GPHN: variants seen among roughly 807,000 people sequenced by gnomAD.
GPHN encodes the protein gephyrin.
A neutral mutation model predicts 95.5 loss-of-function variants in GPHN; 17 were observed. The observed-to-expected ratio is 0.18, with a 90% CI of 0.12 to 0.27. The LOEUF is 0.27. Ranked by LOEUF, GPHN falls within the 10% of genes least tolerant of loss-of-function variation. GPHN has a pLI of 1.00. For synonymous variants in GPHN, 320 were observed against 322.5 expected, an observed-to-expected ratio of 0.99 and a Z score of 0.08; for missense variants, 660 against 978.1, an observed-to-expected ratio of 0.67 and a Z score of 4.34.
the GPHN span, among the ~76,000 whole-genome samples, chr14:67,460,252 G>A: frequency 6.6e-6 from 1 of 152,106 alleles, no homozygotes; most frequent in Non-Finnish European, 1.5e-5. Context: ...AGGAGTCCCT[G>A]GGCCAGATCA....
At chr14:67,240,904 T>TA in the GPHN span, among the ~76,000 whole-genome samples, 9 of 152,172 alleles carry the variant, frequency 5.9e-5, no homozygotes, top group Non-Finnish European at 8.8e-5. Flanking sequence ...TGTCATTTTT[T>TA]AAAAAAAACA....
In GPHN at chr14:67,101,191, GA is replaced by G. The variant is rs113722780; in HGVS notation, c.1293+290del. Among the ~76,000 whole-genome samples the G allele has an allele frequency of 1.2e-3, 178 of 147,720 alleles. 2 individuals are homozygous for G. Among genetic ancestry groups the G allele is most frequent in the South Asian group, 0.011 (53 of 4,682 alleles). ...GTGATTGGGTGATTCTTTTTTTCCT[GA>G]AAAAAAAAATGTTCTGAATAGAACA... is the stretch of plus-strand genomic sequence containing the variant. On this transcript the variant is annotated intron_variant, in intron 13 of 22. Coordinates refer to ENST00000478722, the MANE Select transcript of GPHN (RefSeq NM_020806.5).
chr14:66,683,066 T>C (rs2067038818), intron 2 of GPHN, among the ~76,000 whole-genome samples: 1 of 151,704 alleles, frequency 6.6e-6, no homozygotes, highest in South Asian at 2.1e-4. Context: ...ATTCTCAGTG[T>C]ACCTGTCTTA....
intron 9 of GPHN, among the ~76,000 whole-genome samples, chr14:66,989,168 G>C (rs769169085): frequency 1.3e-5 from 2 of 151,514 alleles, no homozygotes; most frequent in Non-Finnish European, 1.5e-5. Context: ...GCTACTCTTT[G>C]TTTTCTGCAC....
At position 66,849,782 on chromosome 14, in the gene GPHN, G is replaced by T. The variant is rs184626505; in HGVS notation, c.294+25216G>T. Among the ~76,000 whole-genome samples, 996 of 152,168 alleles carry T rather than the reference G, an allele frequency of 6.5e-3. 14 individuals carry two copies. The highest frequency in any genetic ancestry group is 0.023 in the African/African-American group (949 of 41,550). Reference sequence around the variant, plus strand: ...AAATACTGATTGTAACCACAAAGAGGAGTGTAAAGAATTGGTTGTCAAGAA... The same window carrying T: ...AAATACTGATTGTAACCACAAAGAGTAGTGTAAAGAATTGGTTGTCAAGAA... On this transcript the variant is annotated intron_variant, in intron 4 of 22. Coordinates refer to ENST00000478722, the MANE Select transcript of GPHN (RefSeq NM_020806.5).
intron 9 of GPHN, among the ~76,000 whole-genome samples, chr14:67,008,124 C>T (rs1387457703): frequency 6.6e-6 from 1 of 152,118 alleles, no homozygotes; most frequent in South Asian, 2.1e-4. Context: ...TCCTTTTAAA[C>T]ATCCCACCTG....
the GPHN span, among the ~76,000 whole-genome samples, chr14:67,311,829 G>T: frequency 1.6e-4 from 24 of 152,262 alleles, no homozygotes; most frequent in Admixed American, 5.9e-4. Flanking sequence ...ATACAAATAA[G>T]AATTGATTAT....
chr14:67,631,896 A>G, the GPHN span, among the ~76,000 whole-genome samples: 4 of 152,052 alleles, frequency 2.6e-5, no homozygotes, highest in African/African-American at 9.7e-5. Flanking sequence ...ATTTTTTGAG[A>G]CAGGGTCTTG....
chr14:67,479,963 G>A, the GPHN span, among the ~76,000 whole-genome samples: 1 of 152,142 alleles, frequency 6.6e-6, no homozygotes, highest in Admixed American at 6.5e-5. Context: ...TTGGAATCCT[G>A]GCTGATGCTT....
the GPHN span, among the ~76,000 whole-genome samples, chr14:67,283,175 C>T: frequency 4.6e-5 from 7 of 152,046 alleles, no homozygotes; most frequent in South Asian, 1.0e-3. Context: ...AAACACACCA[C>T]GGGGAAGAAA....
the GPHN span, among the ~76,000 whole-genome samples, chr14:67,538,919 A>T: frequency 1.3e-5 from 2 of 152,212 alleles, no homozygotes; most frequent in African/African-American, 4.8e-5. Flanking sequence ...TTTCCAAAGT[A>T]CTTGGAGATT....
At chr14:66,790,602 G>A (rs1232012040) in intron 3 of GPHN, among the ~76,000 whole-genome samples, 1 of 152,198 alleles carries the variant, frequency 6.6e-6, no homozygotes, top group East Asian at 1.9e-4. Flanking sequence ...AGCTCCCAAG[G>A]ACATTTTTCA....
the GPHN span, among the ~76,000 whole-genome samples, chr14:67,432,368 C>T: frequency 6.6e-6 from 1 of 152,240 alleles, no homozygotes; most frequent in African/African-American, 2.4e-5. Context: ...GGCGAACGAG[C>T]CCTGGTTCTT....
At chr14:67,306,584 GTCT>G in the GPHN span, among the ~76,000 whole-genome samples, 4 of 151,308 alleles carry the variant, frequency 2.6e-5, no homozygotes, top group Middle Eastern at 3.2e-3. Flanking sequence ...GGCCAGGCTG[GTCT>G]TGAACTCCTG....
chr14:67,676,331 C>A, the GPHN span, among the ~76,000 whole-genome samples: 1 of 152,154 alleles, frequency 6.6e-6, no homozygotes, highest in Admixed American at 6.5e-5. Flanking sequence ...ATGCACTGAG[C>A]ATAGACATGA....
intron 11 of GPHN, among the ~76,000 whole-genome samples, chr14:67,065,238 C>T (rs566506704): frequency 3.3e-5 from 5 of 152,216 alleles, no homozygotes; most frequent in African/African-American, 7.2e-5. Flanking sequence ...TGTGCTTGTG[C>T]GGTTTTGAGT....
chr14:67,180,448 T>C (rs529947919), intron 22 of GPHN, among the ~76,000 whole-genome samples: 7 of 152,186 alleles, frequency 4.6e-5, no homozygotes, highest in Non-Finnish European at 1.0e-4. Context: ...AAAGAAATGG[T>C]AGCTGCTACC....
chr14:67,330,185 C>G, the GPHN span, among the ~76,000 whole-genome samples: 1 of 149,568 alleles, frequency 6.7e-6, no homozygotes, highest in Non-Finnish European at 1.5e-5. Context: ...AAGGAATAAT[C>G]AGACACTTTA....
chr14:66,685,946 GT>G (rs1163885465), intron 2 of GPHN, among the ~76,000 whole-genome samples: 3 of 152,194 alleles, frequency 2.0e-5, no homozygotes, highest in Admixed American at 6.5e-5. Flanking sequence ...AACGGATCCA[GT>G]TTCAGCTTTC....
Sources: gnomAD v4.1 joint callset for allele counts (sites outside exome capture counted in the v4.1 genomes callset) on GRCh38, gnomAD v4.1.1 for gene constraint, MANE v1.5 for transcripts, NCBI Gene and HGNC (gene_info 2026-07-23, HGNC 2026-07-21) for gene names.